ECPAS: variants seen among roughly 807,000 people sequenced by gnomAD.
ECPAS encodes the protein Ecm29 proteasome adaptor and scaffold.
ECPAS carries 70 observed loss-of-function variants against 255.1 expected under a neutral mutation model. That is an observed-to-expected ratio of 0.27 (90% CI 0.23 to 0.33). The LOEUF is 0.33. Among genes scored for constraint, ECPAS ranks in the 10% least tolerant of loss-of-function variants. The pLI, the probability that ECPAS is intolerant of heterozygous loss-of-function variation, is 1.00. For missense variants in ECPAS, 1,817 were observed against 2,206.4 expected, an observed-to-expected ratio of 0.82 and a Z score of 3.54; for synonymous variants, 784 against 775.0, an observed-to-expected ratio of 1.01 and a Z score of -0.19.
At chr9:111,411,958 G>A in intron 21 of ECPAS, 56 bp downstream of exon 21, 1 of 1,418,992 alleles carries the variant, frequency 7.0e-7, no homozygotes, top group Non-Finnish European at 9.3e-7. Context: ...AAATAAGTTA[G>A]ATCCTTTTAT....
chr9:111,410,849 A>G, intron 22 of ECPAS, 131 bp downstream of exon 22: 1 of 964,108 alleles, frequency 1.0e-6, no homozygotes, highest in East Asian at 2.4e-5. Context: ...ATTATTTATC[A>G]AGTAAGTTTT....
intron 2 of ECPAS, among the ~76,000 whole-genome samples, chr9:111,453,332 G>A (rs1216336894): frequency 6.6e-6 from 1 of 152,154 alleles, no homozygotes; most frequent in Non-Finnish European, 1.5e-5. Context: ...AATGACGATA[G>A]AAGGAACAAA....
intron 1 of ECPAS, among the ~76,000 whole-genome samples, chr9:111,474,378 A>G (rs1396122313): frequency 6.6e-6 from 1 of 152,048 alleles, no homozygotes; most frequent in African/African-American, 2.4e-5. Flanking sequence ...TCAGCCAACA[A>G]TTTCTCCCTA....
At chr9:111,386,293 T>C in intron 32 of ECPAS, 84 bp downstream of exon 32, 1 of 899,348 alleles carries the variant, frequency 1.1e-6, no homozygotes, top group South Asian at 1.5e-5. Flanking sequence ...TTTATTCCTT[T>C]TGCACAAAGT....
rs2098127571 is a variant in ECPAS at position 111,371,708 on chromosome 9, T to C, written c.4650A>G (p.Lys1550=). 6.2e-7 allele frequency: 1 copy of C among 1,613,786 alleles called. No individual in the cohort carries two copies. The highest frequency in any genetic ancestry group is 1.3e-5 in the African/African-American group (1 of 74,908). ...QGAIAMASIA[K]QTSSLVPPYL... is the part of the protein sequence containing the mutation. The stretch of plus-strand genomic sequence containing the variant: ...ATGGAGGTACTAGAGAGCTAGTCTG[T>C]TTTGCAATTGATGCCATGGCAATTG... The change falls in exon 43 of 50, where the codon AAA becomes AAG. Residue 1550 remains lysine, a synonymous_variant. Transcript: ENST00000684092.
Position 111,393,660 on chromosome 9 carries a change from A to T in ECPAS, c.2977+20T>A. The T allele has an allele frequency of 6.8e-7, 1 of 1,467,036 alleles. No homozygotes were observed. The highest frequency in any genetic ancestry group is 9.5e-7 in the Non-Finnish European group (1 of 1,054,214). The allele number at this position is 1,467,036 out of a possible 1,614,324, so 90.9% of individuals were successfully genotyped here. A position where few individuals can be genotyped will look rare whatever the true frequency, so the allele number is the denominator to read the frequency against. On this transcript the variant is annotated intron_variant, in intron 27 of 49. Coordinates refer to ENST00000684092, the MANE Select transcript of ECPAS (RefSeq NM_001364929.1). Reference sequence around the variant, plus strand: ...AATACAAGTTCAATTAAGTTTAGAAATCAAATATTAACAACCTACCATCAT... The same window carrying T: ...AATACAAGTTCAATTAAGTTTAGAATTCAAATATTAACAACCTACCATCAT...
chr9:111,456,638 G>A (rs942410965), intron 2 of ECPAS, among the ~76,000 whole-genome samples: 14 of 152,172 alleles, frequency 9.2e-5, no homozygotes, highest in Non-Finnish European at 1.6e-4. Context: ...CTATGAATAA[G>A]AAGCTAACTC....
chr9:111,410,291 G>A (rs558278778), intron 22 of ECPAS, 78 bp from the exon 23 acceptor site: 1 of 1,263,218 alleles, frequency 7.9e-7, no homozygotes, highest in South Asian at 1.7e-5. Flanking sequence ...TGTACTCAAG[G>A]TTTTTTTTAA....
chr9:111,482,204 C>T lies in ECPAS; in HGVS notation c.-83+1912G>A, dbSNP rs368937074. Reference sequence around the variant, plus strand: ...ACCGACAGAAGAGCAATCTGTAGCCCGCTTCTCTCTCTAATCGCACCATGA... The same window carrying T: ...ACCGACAGAAGAGCAATCTGTAGCCTGCTTCTCTCTCTAATCGCACCATGA... On this transcript the variant is annotated intron_variant, in intron 1 of 49. Coordinates refer to ENST00000684092, the MANE Select transcript of ECPAS (RefSeq NM_001364929.1). Among the ~76,000 whole-genome samples, 17 of 152,284 alleles carry T rather than the reference C, an allele frequency of 1.1e-4. No individual in the cohort carries two copies. In the East Asian group the frequency reaches 1.2e-3, roughly 10 times the overall value.
chr9:111,366,133 C>CTA lies in ECPAS; in HGVS notation c.5308+104_5308+105dup, dbSNP rs1475476799. 5.7e-6 allele frequency: 4 copies of CTA among 702,810 alleles called. No individual in the cohort carries two copies. The East Asian group carries it at 1.1e-4, about 19-fold the overall frequency. 43.5% of individuals were successfully genotyped at this position (702,810 alleles called of 1,614,324 possible). On this transcript the variant is annotated intron_variant, in intron 48 of 49. Coordinates refer to ENST00000684092, the MANE Select transcript of ECPAS (RefSeq NM_001364929.1). Reference sequence around the variant, plus strand: ...TATAATAAGTAGCAGAGTCCAGTAGCTATTTCAGAAATTTAGTTCCTAAGA... The same window carrying CTA: ...TATAATAAGTAGCAGAGTCCAGTAGCTATATTTCAGAAATTTAGTTCCTAAGA...
intron 2 of ECPAS, among the ~76,000 whole-genome samples, chr9:111,452,250 TTG>T (rs1564555135): frequency 6.6e-6 from 1 of 152,202 alleles, no homozygotes; most frequent in African/African-American, 2.4e-5. Flanking sequence ...TATAATGGTA[TTG>T]TGGTTAGGTT....
chr9:111,390,120 G>T lies in ECPAS; in HGVS notation c.3162-19C>A. ...GCCCTGACTTGGAAACAAAGAAAAA[G>T]AGGTAGGCAATAATACACTTCTCTC... On this transcript the variant is annotated intron_variant, in intron 29 of 49. Transcript: ENST00000684092. 1 of 1,451,114 alleles carries T rather than the reference G, an allele frequency of 6.9e-7. No individual in the cohort carries two copies. Among genetic ancestry groups the T allele is most frequent in the East Asian group, 2.4e-5 (1 of 41,930 alleles). 89.9% of individuals were successfully genotyped at this position (1,451,114 alleles called of 1,614,324 possible). A position where few individuals can be genotyped will look rare whatever the true frequency, so the allele number is the denominator to read the frequency against.
chr9:111,455,619 C>T (rs1416456517), intron 2 of ECPAS, among the ~76,000 whole-genome samples: 1 of 152,226 alleles, frequency 6.6e-6, no homozygotes, highest in Non-Finnish European at 1.5e-5. Context: ...CCTGTCTGTG[C>T]AAATAATATT....
intron 2 of ECPAS, among the ~76,000 whole-genome samples, chr9:111,458,645 AG>A (rs1402544957): frequency 8.8e-6 from 1 of 113,220 alleles, no homozygotes; most frequent in African/African-American, 3.4e-5. Context: ...GAGGGAGAGG[AG>A]GGTGGGGGGG....
Position 111,428,080 on chromosome 9 carries a change from A to T in ECPAS, c.1012T>A (p.Ser338Thr), listed in dbSNP as rs1421712237. 1 of 1,613,680 alleles carries T rather than the reference A, an allele frequency of 6.2e-7. No individual in the cohort carries two copies. Among genetic ancestry groups the T allele is most frequent in the Non-Finnish European group, 8.5e-7 (1 of 1,179,754 alleles). ...KLKIVPHLLR[S>T]RQAAETFPAN... ...GGGAACGTTTCAGCAGCTTGTCTAGAGCGGAGGAGATGGGGGACAATCTTT... is the reference window on the plus strand; with the variant it reads ...GGGAACGTTTCAGCAGCTTGTCTAGTGCGGAGGAGATGGGGGACAATCTTT... The change falls in exon 10 of 50, where the codon TCT becomes ACT. Residue 338 changes from serine to threonine, a missense_variant. Transcript: ENST00000684092.
At chr9:111,458,649 T>TG (rs990945339) in intron 2 of ECPAS, among the ~76,000 whole-genome samples, 93 of 94,566 alleles carry the variant, frequency 9.8e-4, no homozygotes, top group South Asian at 2.5e-3. Flanking sequence ...GAGAGGAGGG[T>TG]GGGGGGGGTG....
rs1212748405 is a variant in ECPAS, at chr9:111,414,619, G to C, written c.1797C>G (p.His599Gln). The change falls in exon 19 of 50, where the codon CAC becomes CAG. Residue 599 changes from histidine to glutamine, a missense_variant. Around this residue, in one of 4 missense-constraint regions of ECPAS, gnomAD observed 573 missense variants for 716.2 expected, o/e 0.80. Coordinates refer to ENST00000684092, the MANE Select transcript of ECPAS (RefSeq NM_001364929.1). ...IVLYLRMCLA[H>Q]SAGVVPTSQS... ...GAGAGGTGGGCACCACCCCCGCACT[G>C]TGCGCAAGGCACATGCGCAAGTACA... The C allele has an allele frequency of 5.6e-6, 9 of 1,613,592 alleles. No individual in the cohort carries two copies. Among genetic ancestry groups the C allele is most frequent in the Non-Finnish European group, 6.8e-6 (8 of 1,179,830 alleles).
At chr9:111,363,703 C>A (rs1289978071) in intron 48 of ECPAS, 44 bp from the exon 49 acceptor site, 1 of 884,372 alleles carries the variant, frequency 1.1e-6, no homozygotes, top group African/African-American at 1.8e-5. Flanking sequence ...GCCTGAAAAA[C>A]ACAACCTCCA....
In ECPAS at chr9:111,382,008, AACACACAC is replaced by A. The variant is rs72204951; in HGVS notation, c.3803+1195_3803+1202del. ...ACTGAGTTCACGTTCAATTTTGTAA[AACACACAC>A]ACACACACACACACACACACACACA... On this transcript the variant is annotated intron_variant, in intron 35 of 49. Coordinates refer to ENST00000684092, the MANE Select transcript of ECPAS (RefSeq NM_001364929.1). 2.3e-3 allele frequency among the ~76,000 whole-genome samples: 343 copies of A among 147,120 alleles called. 8 individuals carry two copies. In the East Asian group the frequency reaches 0.046, roughly 20 times the overall value.
Sources: gnomAD v4.1 joint callset for allele counts (sites outside exome capture counted in the v4.1 genomes callset) on GRCh38, gnomAD v4.1.1 for gene constraint, gnomAD v4.1.1 regional missense constraint, MANE v1.5 for transcripts, NCBI Gene and HGNC (gene_info 2026-07-23, HGNC 2026-07-21) for gene names.